FBXL17: variants seen among roughly 807,000 people sequenced by gnomAD.
The protein encoded by FBXL17 is F-box and leucine rich repeat protein 17.
FBXL17 carries 22 observed loss-of-function variants against 66.2 expected under a neutral mutation model. That is an observed-to-expected ratio of 0.33 (90% CI 0.24 to 0.47). The LOEUF is 0.47. FBXL17 is among the 20% of genes least tolerant of loss of function. The pLI, the probability that FBXL17 is intolerant of heterozygous loss-of-function variation, is 1.00. For missense variants in FBXL17, 878 were observed against 948.2 expected (o/e 0.93, Z 0.97); for synonymous variants, 474 against 400.5 (o/e 1.18, Z -2.19).
chr5:107,866,556 G>A (rs368960081), intron 8 of FBXL17, among the ~76,000 whole-genome samples: 19 of 152,066 alleles, frequency 1.2e-4, no homozygotes, highest in African/African-American at 4.1e-4. Context: ...ACAGAGAGTC[G>A]GTGTAACAAA....
chr5:108,197,798 C>T (rs1753737820), intron 5 of FBXL17, among the ~76,000 whole-genome samples: 1 of 152,114 alleles, frequency 6.6e-6, no homozygotes, highest in Non-Finnish European at 1.5e-5. Context: ...TGTATCTACA[C>T]TCTCAAATAA....
At chr5:108,305,466 T>C (rs772629836) in intron 4 of FBXL17, among the ~76,000 whole-genome samples, 35 of 151,918 alleles carry the variant, frequency 2.3e-4, no homozygotes, top group Non-Finnish European at 4.4e-4. Context: ...ACATGTACTC[T>C]GGAACTGAAA....
chr5:108,374,405 C>T (rs571598189), intron 1 of FBXL17, among the ~76,000 whole-genome samples: 1 of 152,304 alleles, frequency 6.6e-6, no homozygotes, highest in Non-Finnish European at 1.5e-5. Flanking sequence ...GGAACAGCAG[C>T]TCAGGCCTAT....
intron 6 of FBXL17, among the ~76,000 whole-genome samples, chr5:108,113,712 T>C (rs1750130920): frequency 6.6e-6 from 1 of 152,092 alleles, no homozygotes; most frequent in African/African-American, 2.4e-5. Context: ...TATACCTAAA[T>C]TGGTAAAATA....
chr5:108,364,725 TG>T lies in FBXL17; in HGVS notation c.1374+12del, dbSNP rs1353735610. 2 of 1,583,954 alleles carry T rather than the reference TG, an allele frequency of 1.3e-6. No individual in the cohort carries two copies. Among genetic ancestry groups the T allele is most frequent in the African/African-American group, 2.7e-5 (2 of 73,792 alleles). On this transcript the variant is annotated intron_variant, in intron 3 of 8. Coordinates refer to ENST00000542267, the MANE Select transcript of FBXL17 (RefSeq NM_001163315.3). Reference sequence around the variant, plus strand: ...AATTCAAGTAAAATCACTTTATAAATGCTAAAATTTACCTGCTTGAGTCCTT... The same window carrying T: ...AATTCAAGTAAAATCACTTTATAAATCTAAAATTTACCTGCTTGAGTCCTT...
chr5:108,124,812 C>T (rs996111281), intron 6 of FBXL17, among the ~76,000 whole-genome samples: 10 of 152,008 alleles, frequency 6.6e-5, no homozygotes, highest in African/African-American at 1.7e-4. Context: ...TTATAACTTA[C>T]GCAGCTCCCT....
At chr5:108,312,884 A>G (rs950401364) in intron 4 of FBXL17, among the ~76,000 whole-genome samples, 5 of 152,158 alleles carry the variant, frequency 3.3e-5, no homozygotes, top group Non-Finnish European at 5.9e-5. Context: ...TGATAAGCTA[A>G]TAACAGAGAC....
chr5:107,900,811 A>G (rs1343810789), intron 7 of FBXL17, among the ~76,000 whole-genome samples: 1 of 152,150 alleles, frequency 6.6e-6, no homozygotes, highest in Non-Finnish European at 1.5e-5. Flanking sequence ...TTTAAAGCGA[A>G]CCCTATAAAA....
intron 6 of FBXL17, among the ~76,000 whole-genome samples, chr5:108,032,182 G>T (rs933692734): frequency 9.2e-5 from 14 of 152,008 alleles, no homozygotes; most frequent in Non-Finnish European, 1.8e-4. Context: ...TAGCACTCTG[G>T]GGCTTTAATA....
rs1334472221 is a variant in FBXL17 at position 108,224,153 on chromosome 5, C to G, written c.1582G>C (p.Val528Leu). 2 of 1,611,064 alleles carry G rather than the reference C, an allele frequency of 1.2e-6. No homozygotes were observed. Among genetic ancestry groups the G allele is most frequent in the Non-Finnish European group, 8.5e-7 (1 of 1,177,940 alleles). Residue 528 changes from valine to leucine, a missense_variant, in exon 5 of 9, where the codon GTC becomes CTC. Coordinates refer to ENST00000542267, the MANE Select transcript of FBXL17 (RefSeq NM_001163315.3). Reference sequence around the variant, plus strand: ...AGGTGAATGACTCCTTTAGAAGTGACTGAACAACCCATGAAGCCTACATAT... The same window carrying G: ...AGGTGAATGACTCCTTTAGAAGTGAGTGAACAACCCATGAAGCCTACATAT... The part of the protein sequence containing the change: ...LQYVGFMGCS[V>L]TSKGVIHLTK...
intron 6 of FBXL17, among the ~76,000 whole-genome samples, chr5:108,043,645 GAAATTGAGT>G (rs1747134203): frequency 1.3e-5 from 2 of 152,122 alleles, no homozygotes; most frequent in Non-Finnish European, 2.9e-5. Flanking sequence ...AAAAACTCCT[GAAATTGAGT>G]AAATGTATTC....
At chr5:108,109,770 A>G (rs900957856) in intron 6 of FBXL17, among the ~76,000 whole-genome samples, 4 of 152,174 alleles carry the variant, frequency 2.6e-5, no homozygotes, top group African/African-American at 7.2e-5. Flanking sequence ...CATTAGCTCA[A>G]TGTAAACAAT....
At chr5:108,230,593 G>A (rs958096123) in intron 4 of FBXL17, among the ~76,000 whole-genome samples, 4 of 152,114 alleles carry the variant, frequency 2.6e-5, no homozygotes, top group African/African-American at 4.8e-5. Context: ...GGGGGTAAGG[G>A]ATAAAAGACT....
intron 1 of FBXL17, among the ~76,000 whole-genome samples, chr5:108,371,446 G>A (rs1198893057): frequency 6.6e-6 from 1 of 152,188 alleles, no homozygotes; most frequent in Non-Finnish European, 1.5e-5. Context: ...ATAAATGAAT[G>A]TATACAACTA....
chr5:107,961,857 G>A (rs2112629367), intron 7 of FBXL17, among the ~76,000 whole-genome samples: 1 of 152,188 alleles, frequency 6.6e-6, no homozygotes, highest in South Asian at 2.1e-4. Flanking sequence ...TGTGCAGATA[G>A]GTGAGAGGGA....
intron 8 of FBXL17, among the ~76,000 whole-genome samples, chr5:107,865,399 A>T (rs1438637202): frequency 8.3e-6 from 1 of 120,520 alleles, no homozygotes; most frequent in South Asian, 2.7e-4. Flanking sequence ...AAATAATTTC[A>T]TGGTAGGGTT....
At chr5:108,374,996 C>T (rs542745413) in intron 1 of FBXL17, among the ~76,000 whole-genome samples, 4 of 151,968 alleles carry the variant, frequency 2.6e-5, no homozygotes, top group African/African-American at 9.6e-5. Context: ...AAAAATACAG[C>T]TAATACAAAT....
chr5:108,183,749 A>G lies in FBXL17; in HGVS notation c.1745+2368T>C, dbSNP rs192910338. 1.7e-3 allele frequency among the ~76,000 whole-genome samples: 254 copies of G among 152,162 alleles called. 1 individual carries two copies. Among genetic ancestry groups the G allele is most frequent in the African/African-American group, 5.5e-3 (229 of 41,524 alleles). On this transcript the variant is annotated intron_variant, in intron 6 of 8. Coordinates refer to ENST00000542267, the MANE Select transcript of FBXL17 (RefSeq NM_001163315.3). ...CTCCTCACTTGGAGTTCCCATGTCC[A>G]TTATACCACTCTATATGCCATTGCG...
At chr5:108,094,107 T>C (rs1196094787) in intron 6 of FBXL17, among the ~76,000 whole-genome samples, 2 of 152,266 alleles carry the variant, frequency 1.3e-5, no homozygotes, top group South Asian at 2.1e-4. Flanking sequence ...TCTCGAGCTC[T>C]TAAACTTTAA....
Sources: gnomAD v4.1 joint callset for allele counts (sites outside exome capture counted in the v4.1 genomes callset) on GRCh38, gnomAD v4.1.1 for gene constraint, MANE v1.5 for transcripts, NCBI Gene and HGNC (gene_info 2026-07-23, HGNC 2026-07-21) for gene names.